APOBEC1: variants seen among roughly 807,000 people sequenced by gnomAD.
APOBEC1 encodes the protein apolipoprotein B mRNA editing enzyme catalytic subunit 1.
Under a neutral mutation model 26.3 loss-of-function variants are expected in APOBEC1, and 22 were observed. That is an observed-to-expected ratio of 0.84 (90% CI 0.60 to 1.19). The LOEUF is 1.19. Ranked by LOEUF, APOBEC1 falls within the 50% of genes most tolerant of loss-of-function variation. The probability of loss-of-function intolerance (pLI) is 0.00; values close to 1 mark genes in which losing one functional copy is unlikely to be tolerated. For missense variants in APOBEC1, 253 were observed against 289.0 expected (o/e 0.88, Z 0.90); for synonymous variants, 77 against 95.3 (o/e 0.81, Z 1.12).
chr12:7,664,325 G>A (rs1461567123), intron 1 of APOBEC1, among the ~76,000 whole-genome samples: 5 of 152,106 alleles, frequency 3.3e-5, no homozygotes, highest in African/African-American at 1.2e-4. Context: ...TCAAGTAAAT[G>A]TGTCTAAAGC....
chr12:7,656,235 T>A (rs934473983), intron 1 of APOBEC1, among the ~76,000 whole-genome samples: 1 of 151,578 alleles, frequency 6.6e-6, no homozygotes, highest in African/African-American at 2.4e-5. Context: ...TGCATGACCC[T>A]GGTCAGATTA....
intron 3 of APOBEC1, 104 bp from the exon 4 acceptor site, chr12:7,651,245 T>C: frequency 1.3e-6 from 1 of 777,980 alleles, no homozygotes; most frequent in Non-Finnish European, 2.2e-6. Flanking sequence ...GTCTCTAGTC[T>C]AGTTGCTGCT....
upstream of APOBEC1, among the ~76,000 whole-genome samples, chr12:7,669,827 AC>A (rs1297299239): frequency 6.6e-6 from 1 of 152,162 alleles, no homozygotes; most frequent in African/African-American, 2.4e-5. Context: ...CCTGTTAGTT[AC>A]AATCATACTT....
intron 3 of APOBEC1, 99 bp from the exon 4 acceptor site, chr12:7,651,240 T>C: frequency 2.5e-6 from 2 of 812,968 alleles, no homozygotes; most frequent in South Asian, 1.5e-5. Flanking sequence ...CTGTAGTCTC[T>C]AGTCTAGTTG....
intron 1 of APOBEC1, among the ~76,000 whole-genome samples, chr12:7,665,172 CACTG>C (rs1191760109): frequency 6.6e-6 from 1 of 152,210 alleles, no homozygotes; most frequent in East Asian, 1.9e-4. Context: ...ATTTTTCTAA[CACTG>C]ACTGTGCACA....
upstream of APOBEC1, among the ~76,000 whole-genome samples, chr12:7,666,796 T>C (rs951729435): frequency 1.3e-5 from 2 of 152,134 alleles, no homozygotes; most frequent in Admixed American, 6.6e-5. Context: ...AGGGGAGCTA[T>C]TAGATACAAA....
At chr12:7,651,969 C>T (rs1321058319) in intron 3 of APOBEC1, among the ~76,000 whole-genome samples, 3 of 151,852 alleles carry the variant, frequency 2.0e-5, no homozygotes, top group Non-Finnish European at 2.9e-5. Flanking sequence ...TACAGGCGCC[C>T]GCCACCACGC....
chr12:7,650,362 A>T (rs1180092338), intron 4 of APOBEC1, among the ~76,000 whole-genome samples: 3 of 152,134 alleles, frequency 2.0e-5, no homozygotes, highest in Non-Finnish European at 2.9e-5. Context: ...GGTTGCTGTG[A>T]TGGTGCCTGT....
chr12:7,655,691 A>AT (rs2136843209), intron 1 of APOBEC1, among the ~76,000 whole-genome samples: 1 of 152,186 alleles, frequency 6.6e-6, no homozygotes, highest in South Asian at 2.1e-4. Flanking sequence ...TGGGGCTTTG[A>AT]TTTTATATAT....
At chr12:7,665,928 T>C, upstream of APOBEC1, 1 of 1,607,210 alleles carries the variant, frequency 6.2e-7, no homozygotes, top group Admixed American at 1.7e-5. Flanking sequence ...TGATTGTTCC[T>C]GGACTTTGTT....
Position 7,654,723 on chromosome 12 carries a change from C to G in APOBEC1, c.17-91G>C, listed in dbSNP as rs1413660148. ...GCTCTATTATTCCAAACCTCCAAATCATCTCAGAAAATGGAATTTGAAGAT... is the reference window on the plus strand; with the variant it reads ...GCTCTATTATTCCAAACCTCCAAATGATCTCAGAAAATGGAATTTGAAGAT... On this transcript the variant is annotated intron_variant, in intron 1 of 4. Coordinates refer to ENST00000229304, the MANE Select transcript of APOBEC1 (RefSeq NM_001644.5). 2.5e-6 allele frequency: 3 copies of G among 1,218,056 alleles called. No individual in the cohort carries two copies. The African/African-American group carries it at 4.5e-5, about 18-fold the overall frequency. 75.5% of individuals were successfully genotyped at this position (1,218,056 alleles called of 1,614,324 possible).
chr12:7,667,784 G>A (rs1248522854), upstream of APOBEC1, among the ~76,000 whole-genome samples: 1 of 151,998 alleles, frequency 6.6e-6, no homozygotes, highest in Admixed American at 6.6e-5. Context: ...GTGGTGGCAG[G>A]TGACTGTAAT....
intron 2 of APOBEC1, among the ~76,000 whole-genome samples, chr12:7,654,278 A>C (rs1863684098): frequency 6.6e-6 from 1 of 152,176 alleles, no homozygotes; most frequent in Admixed American, 6.5e-5. Flanking sequence ...AACAATAACC[A>C]TAGAAAATGA....
chr12:7,654,611 G>A lies in APOBEC1; in HGVS notation c.38C>T (p.Thr13Ile), dbSNP rs143770665. The A allele has an allele frequency of 1.4e-5, 22 of 1,613,858 alleles. No homozygotes were observed. Among genetic ancestry groups the A allele is most frequent in the Non-Finnish European group, 1.8e-5 (21 of 1,179,872 alleles). The change falls in exon 2 of 5, where the codon ACT becomes ATT. Residue 13 changes from threonine to isoleucine, a missense_variant. Transcript: ENST00000229304. ...GTGATAGTGTTATTCTTACCTCAGAGTGGGGTCACCGGTTGAAGGACCTGT... is the reference window on the plus strand; with the variant it reads ...GTGATAGTGTTATTCTTACCTCAGAATGGGGTCACCGGTTGAAGGACCTGT... ...SEKGPSTGDP[T>I]LRRRIEPWEF...
chr12:7,670,455 A>G (rs958067857), upstream of APOBEC1, among the ~76,000 whole-genome samples: 1 of 141,256 alleles, frequency 7.1e-6, no homozygotes, highest in East Asian at 2.1e-4. Flanking sequence ...TTGAAAATTC[A>G]TTTAATACAC....
chr12:7,659,182 T>C (rs1475291285), intron 1 of APOBEC1, among the ~76,000 whole-genome samples: 1 of 144,196 alleles, frequency 6.9e-6, no homozygotes, highest in Non-Finnish European at 1.5e-5. Context: ...TAATCCCAGC[T>C]ACTCAGGAAG....
chr12:7,659,322 A>ATATAT (rs1400952917), intron 1 of APOBEC1, among the ~76,000 whole-genome samples: 1 of 46,280 alleles, frequency 2.2e-5, no homozygotes, highest in African/African-American at 1.3e-4. Flanking sequence ...AAAAAAAAAA[A>ATATAT]ATATATATAT....
intron 2 of APOBEC1, among the ~76,000 whole-genome samples, chr12:7,653,385 A>C (rs921433655): frequency 1.3e-5 from 2 of 151,916 alleles, no homozygotes; most frequent in African/African-American, 4.8e-5. Context: ...CCCCAGTCAC[A>C]TTATTTGGTG....
rs774244559 is a variant in APOBEC1, at chr12:7,649,535, G to A, written c.*12C>T. ...TTGTTCTTGAATCAGTACACACACG[G>A]AATCATCCTATTCATCTCCAAGCCA... On this transcript the variant is annotated 3_prime_UTR_variant, in exon 5 of 5. Transcript: ENST00000229304. 4.3e-5 allele frequency: 70 copies of A among 1,613,376 alleles called. No individual in the cohort carries two copies. The highest frequency in any genetic ancestry group is 5.6e-5 in the Non-Finnish European group (66 of 1,179,706).
Sources: gnomAD v4.1 joint callset for allele counts (sites outside exome capture counted in the v4.1 genomes callset) on GRCh38, gnomAD v4.1.1 for gene constraint, MANE v1.5 for transcripts, NCBI Gene and HGNC (gene_info 2026-07-23, HGNC 2026-07-21) for gene names.